The following LHPP variants were observed in gnomAD, a reference collection of about 807,000 sequenced individuals.
LHPP encodes phospholysine phosphohistidine inorganic pyrophosphate phosphatase.
A neutral mutation model predicts 30.3 loss-of-function variants in LHPP; 24 were observed. That is an observed-to-expected ratio of 0.79 (90% CI 0.57 to 1.11). The LOEUF (loss-of-function observed/expected upper bound fraction) is 1.11, where lower values mean the gene tolerates loss of function less well. Ranked by LOEUF, LHPP falls within the 50% of genes most tolerant of loss-of-function variation. The pLI is 0.00. For synonymous variants in LHPP, 150 were observed against 157.1 expected, an observed-to-expected ratio of 0.95 and a Z score of 0.34; for missense variants, 356 against 367.2, an observed-to-expected ratio of 0.97 and a Z score of 0.25.
chr10:124,502,136 C>T (rs2133882741), intron 5 of LHPP, among the ~76,000 whole-genome samples: 1 of 152,040 alleles, frequency 6.6e-6, no homozygotes, highest in Non-Finnish European at 1.5e-5. Context: ...AGCAGCTTCC[C>T]CATCATCATC....
chr10:124,570,339 A>G (rs973373279), intron 6 of LHPP, among the ~76,000 whole-genome samples: 6 of 152,196 alleles, frequency 3.9e-5, no homozygotes, highest in Non-Finnish European at 7.3e-5. Flanking sequence ...GAATTCACCC[A>G]GTGCCTATGT....
intron 6 of LHPP, chr10:124,554,068 G>A (rs981180504): frequency 2.2e-5 from 22 of 985,334 alleles, no homozygotes; most frequent in East Asian, 1.1e-4. Flanking sequence ...GTTGCGGGGC[G>A]GTGGTCAGCC....
Position 124,500,329 on chromosome 10 carries a change from G to A in LHPP, c.624+2201G>A, listed in dbSNP as rs368214051. On this transcript the variant is annotated intron_variant, in intron 5 of 6. Transcript: ENST00000368842. ...CTCTACTAAAATATAAAAATTAGCC[G>A]GGTGTGGTGGTATGCACCTGTAATC... Among the ~76,000 whole-genome samples, 212 of 151,792 alleles carry A rather than the reference G, an allele frequency of 1.4e-3. 4 individuals are homozygous for A. The highest frequency in any genetic ancestry group is 4.5e-3 in the African/African-American group (187 of 41,200).
intron 6 of LHPP, among the ~76,000 whole-genome samples, chr10:124,520,288 TC>T (rs890825102): frequency 4.6e-5 from 7 of 152,020 alleles, no homozygotes; most frequent in African/African-American, 1.7e-4. Context: ...CTCTCCCTCC[TC>T]CCCTCTTCAC....
intron 6 of LHPP, among the ~76,000 whole-genome samples, chr10:124,600,086 G>A (rs1000048841): frequency 6.6e-6 from 1 of 152,192 alleles, no homozygotes; most frequent in Non-Finnish European, 1.5e-5. Flanking sequence ...GGACATGAGT[G>A]CTCGGGAGCG....
At chr10:124,464,737 A>G (rs934044239) in intron 1 of LHPP, among the ~76,000 whole-genome samples, 6 of 152,172 alleles carry the variant, frequency 3.9e-5, no homozygotes, top group Admixed American at 6.5e-5. Flanking sequence ...CCAGAGCTCA[A>G]TGCTGTGACT....
At chr10:124,490,517 G>A (rs1037867061) in intron 3 of LHPP, 1 of 361,614 alleles carries the variant, frequency 2.8e-6, no homozygotes, top group Non-Finnish European at 5.7e-6. Flanking sequence ...CTTGGCTACC[G>A]TGACTCCCTC....
At chr10:124,473,770 T>A (rs1235868341) in intron 1 of LHPP, among the ~76,000 whole-genome samples, 2 of 152,096 alleles carry the variant, frequency 1.3e-5, no homozygotes, top group Non-Finnish European at 2.9e-5. Flanking sequence ...CTGGCCAACA[T>A]GGTGAAACCC....
In LHPP at chr10:124,506,248, C is replaced by CA. The variant is rs200519794; in HGVS notation, c.624+8128dup. 5.0e-3 allele frequency among the ~76,000 whole-genome samples: 708 copies of CA among 142,618 alleles called. 11 individuals are homozygous for CA. Among genetic ancestry groups the CA allele is most frequent in the African/African-American group, 0.016 (627 of 38,848 alleles). 93.6% of individuals were successfully genotyped at this position (142,618 alleles called of 152,430 possible). On this transcript the variant is annotated intron_variant, in intron 5 of 6. Transcript: ENST00000368842. The stretch of plus-strand genomic sequence containing the variant: ...TGGACAAGAGAGTAAGACCTTGTCT[C>CA]AAAAAAAACAACAAACCCCCCCCCC...
intron 5 of LHPP, among the ~76,000 whole-genome samples, chr10:124,500,425 T>C (rs966838957): frequency 6.6e-6 from 1 of 151,972 alleles, no homozygotes; most frequent in African/African-American, 2.4e-5. Flanking sequence ...TGAGCCGAAA[T>C]TGTGCCACTG....
intron 1 of LHPP, among the ~76,000 whole-genome samples, chr10:124,483,720 G>A (rs571103864): frequency 1.2e-4 from 18 of 152,190 alleles, no homozygotes; most frequent in African/African-American, 4.3e-4. Context: ...TCATGCCACT[G>A]CACTCCAGCC....
rs1017527677 is a variant in LHPP, at chr10:124,478,853, G to T, written c.126-5286G>T. Among the ~76,000 whole-genome samples the T allele has an allele frequency of 6.6e-6, 1 of 152,172 alleles. No individual in the cohort carries two copies. The highest frequency in any genetic ancestry group is 1.5e-5 in the Non-Finnish European group (1 of 68,042). ...GGAGGCCGAGGCAGGTGGATCACTGGAGATTGGGAGTTCAAGACCAGCCTG... is the reference window on the plus strand; with the variant it reads ...GGAGGCCGAGGCAGGTGGATCACTGTAGATTGGGAGTTCAAGACCAGCCTG... On this transcript the variant is annotated intron_variant, in intron 1 of 6. Transcript: ENST00000368842. The surrounding 1 kb of genome is among the most constrained non-coding windows in gnomAD (Gnocchi z 4.7).
intron 6 of LHPP, among the ~76,000 whole-genome samples, chr10:124,575,190 C>G (rs1035895778): frequency 6.6e-6 from 1 of 152,112 alleles, no homozygotes; most frequent in Non-Finnish European, 1.5e-5. Flanking sequence ...TGGACACAGC[C>G]TTGGCCAGGT....
In LHPP at chr10:124,501,164, T is replaced by C. The variant is rs984380678; in HGVS notation, c.624+3036T>C. Among the ~76,000 whole-genome samples, 4 of 151,960 alleles carry C rather than the reference T, an allele frequency of 2.6e-5. 1 individual carries two copies. Among genetic ancestry groups the C allele is most frequent in the East Asian group, 1.9e-4 (1 of 5,198 alleles). On this transcript the variant is annotated intron_variant, in intron 5 of 6. Transcript: ENST00000368842. ...GAAGCCAAACACAAAAGGACACATA[T>C]TGTATTCTTCCATGTATAGCAAATG...
chr10:124,464,253 G>A (rs979762925), intron 1 of LHPP, among the ~76,000 whole-genome samples: 7 of 152,180 alleles, frequency 4.6e-5, no homozygotes, highest in East Asian at 1.9e-4. Flanking sequence ...TTGGCCTCCC[G>A]GAGTCACTAG....
Position 124,478,341 on chromosome 10 carries a change from A to C in LHPP, c.126-5798A>C, listed in dbSNP as rs1289992473. Among the ~76,000 whole-genome samples the C allele has an allele frequency of 6.6e-6, 1 of 152,198 alleles. No individual in the cohort carries two copies. The highest frequency in any genetic ancestry group is 2.4e-5 in the African/African-American group (1 of 41,462). ...AGGGTGCTATGAGGGCCTCTGGGTC[A>C]CACGAAGGTGACCAGTACCGGGGCT... On this transcript the variant is annotated intron_variant, in intron 1 of 6. Coordinates refer to ENST00000368842, the MANE Select transcript of LHPP (RefSeq NM_022126.4). This position sits in a 1 kb window ranked among gnomAD's most constrained non-coding sequence, Gnocchi z 4.7.
At chr10:124,519,978 G>A (rs1452262356) in intron 6 of LHPP, among the ~76,000 whole-genome samples, 1 of 151,796 alleles carries the variant, frequency 6.6e-6, no homozygotes, top group Non-Finnish European at 1.5e-5. Context: ...GACTACAGGC[G>A]CCCACCACCA....
intron 1 of LHPP, among the ~76,000 whole-genome samples, chr10:124,482,055 G>A (rs1024780109): frequency 2.0e-5 from 3 of 152,192 alleles, no homozygotes; most frequent in African/African-American, 7.2e-5. Flanking sequence ...ACATTTCTGG[G>A]ATTCAGTCCC....
intron 6 of LHPP, among the ~76,000 whole-genome samples, chr10:124,547,312 A>G (rs1955373786): frequency 6.6e-6 from 1 of 152,328 alleles, no homozygotes; most frequent in African/African-American, 2.4e-5. Context: ...AAACAAAAAA[A>G]ATTGCTTTCT....
Sources: allele counts gnomAD v4.1 joint callset (sites outside exome capture counted in the v4.1 genomes callset), GRCh38; gene constraint gnomAD v4.1.1; non-coding constraint Gnocchi (gnomAD v3.1); transcripts MANE v1.5; gene names NCBI Gene and HGNC (gene_info 2026-07-23, HGNC 2026-07-21).